Variants in PTDSS1 observed in about 807,000 individuals in gnomAD.
PTDSS1 encodes phosphatidylserine synthase 1, also known as PSS-1.
PTDSS1 carries 45 observed loss-of-function variants against 70.5 expected under a neutral mutation model. The observed-to-expected ratio is 0.64, with a 90% CI of 0.50 to 0.82. The LOEUF is 0.82. Ranked by LOEUF, PTDSS1 falls within the 40% of genes least tolerant of loss-of-function variation. The pLI is 0.00. For missense variants in PTDSS1, 417 were observed against 586.1 expected, an observed-to-expected ratio of 0.71 and a Z score of 2.98; for synonymous variants, 188 against 203.8, an observed-to-expected ratio of 0.92 and a Z score of 0.66.
At chr8:96,264,574 A>T (rs1343596439) in intron 1 of PTDSS1, among the ~76,000 whole-genome samples, 1 of 152,202 alleles carries the variant, frequency 6.6e-6, no homozygotes, top group African/African-American at 2.4e-5. Flanking sequence ...GTTTCTCTGG[A>T]AATTAGAAAA....
intron 4 of PTDSS1, among the ~76,000 whole-genome samples, chr8:96,292,171 G>A (rs1005379969): frequency 3.3e-5 from 5 of 151,028 alleles, no homozygotes; most frequent in African/African-American, 7.3e-5. Context: ...GTGGTGGCAC[G>A]CACCTGTAAT....
intron 5 of PTDSS1, among the ~76,000 whole-genome samples, chr8:96,296,566 CA>C (rs1380048670): frequency 6.6e-6 from 1 of 152,202 alleles, no homozygotes; most frequent in East Asian, 1.9e-4. Context: ...TGACTATCTC[CA>C]AATAAGCTCA....
chr8:96,271,336 T>C (rs1398329631), intron 1 of PTDSS1, among the ~76,000 whole-genome samples: 1 of 152,262 alleles, frequency 6.6e-6, no homozygotes, highest in African/African-American at 2.4e-5. Context: ...CTTAATGATA[T>C]CTTTTAAATT....
chr8:96,288,563 T>A (rs1810856825), intron 4 of PTDSS1, among the ~76,000 whole-genome samples: 1 of 151,254 alleles, frequency 6.6e-6, no homozygotes, highest in Non-Finnish European at 1.5e-5. Flanking sequence ...TGATCTCAAA[T>A]GATCTGCCTG....
chr8:96,302,521 G>A (rs549335265), intron 6 of PTDSS1, among the ~76,000 whole-genome samples: 11 of 152,258 alleles, frequency 7.2e-5, no homozygotes, highest in Admixed American at 7.2e-4. Flanking sequence ...ATTTGCCTAA[G>A]GACACACAGC....
chr8:96,313,905 C>T (rs1811247212), intron 9 of PTDSS1, among the ~76,000 whole-genome samples: 1 of 152,184 alleles, frequency 6.6e-6, no homozygotes, highest in Admixed American at 6.5e-5. Context: ...AATATCTGTC[C>T]TGTATTTCCT....
rs1475469201 is a variant in PTDSS1, at chr8:96,335,518, A to G, written c.*1952A>G. 1.3e-5 allele frequency: 2 copies of G among 152,288 alleles called. No homozygotes were observed. Among genetic ancestry groups the G allele is most frequent in the African/African-American group, 4.8e-5 (2 of 41,454 alleles). 9.4% of individuals were successfully genotyped at this position (152,288 alleles called of 1,614,324 possible). Reference sequence around the variant, plus strand: ...GAGCATGTGTGCTTCCTCTGAGGCCAGCCTACAGGAGGCAGCTGTTTCGCA... The same window carrying G: ...GAGCATGTGTGCTTCCTCTGAGGCCGGCCTACAGGAGGCAGCTGTTTCGCA... On this transcript the variant is annotated 3_prime_UTR_variant, in exon 13 of 13. Coordinates refer to ENST00000517309, the MANE Select transcript of PTDSS1 (RefSeq NM_014754.3).
At chr8:96,308,180 G>A (rs1420103590) in intron 8 of PTDSS1, among the ~76,000 whole-genome samples, 2 of 152,116 alleles carry the variant, frequency 1.3e-5, no homozygotes, top group South Asian at 2.1e-4. Context: ...ACTTTCACAC[G>A]AATCTGCTTT....
chr8:96,332,497 G>T (rs1811530999), intron 12 of PTDSS1, among the ~76,000 whole-genome samples: 1 of 152,110 alleles, frequency 6.6e-6, no homozygotes, highest in Non-Finnish European at 1.5e-5. Context: ...GCCCTTTTGG[G>T]GAAAGTTTCT....
chr8:96,300,362 G>A (rs1426695961), intron 6 of PTDSS1, among the ~76,000 whole-genome samples: 2 of 152,122 alleles, frequency 1.3e-5, no homozygotes, highest in Non-Finnish European at 2.9e-5. Flanking sequence ...GAGTCTGTTT[G>A]TGCACACGCT....
intron 1 of PTDSS1, among the ~76,000 whole-genome samples, chr8:96,263,300 G>C (rs1469917541): frequency 6.6e-6 from 1 of 152,154 alleles, no homozygotes; most frequent in East Asian, 1.9e-4. Flanking sequence ...TTCCTACTTA[G>C]AATGATTTAT....
intron 6 of PTDSS1, among the ~76,000 whole-genome samples, chr8:96,303,625 A>ACTTTCTTTAAC (rs1457388215): frequency 6.6e-6 from 1 of 152,140 alleles, no homozygotes; most frequent in East Asian, 1.9e-4. Context: ...TAGTTCTTTC[A>ACTTTCTTTAAC]TGGGTGTGTG....
intron 6 of PTDSS1, 97 bp downstream of exon 6, chr8:96,299,942 A>C: frequency 7.2e-7 from 1 of 1,394,956 alleles, no homozygotes; most frequent in Non-Finnish European, 9.7e-7. Context: ...TTTGATGATA[A>C]GGAATAAATT....
chr8:96,267,398 C>T (rs959073416), intron 1 of PTDSS1, among the ~76,000 whole-genome samples: 1 of 152,166 alleles, frequency 6.6e-6, no homozygotes, highest in Non-Finnish European at 1.5e-5. Context: ...TCTTTCCGTT[C>T]CCAAGCCTTT....
rs374231745 is a variant in PTDSS1 at position 96,320,348 on chromosome 8, A to T, written c.1173+3A>T. On this transcript the variant is annotated splice_donor_region_variant and intron_variant, in intron 10 of 12. Transcript: ENST00000517309. ...TTGTGCTTTGGCTTCTTTGCGTGGT[A>T]AGTCACTGCATTTTACCCAAAGGCA... 1.3e-6 allele frequency: 2 copies of T among 1,594,270 alleles called. No individual in the cohort carries two copies. Among genetic ancestry groups the T allele is most frequent in the African/African-American group, 2.7e-5 (2 of 74,442 alleles).
chr8:96,265,285 A>G (rs1005465647), intron 1 of PTDSS1, among the ~76,000 whole-genome samples: 1 of 152,218 alleles, frequency 6.6e-6, no homozygotes, highest in Non-Finnish European at 1.5e-5. Context: ...GGGATGTCAT[A>G]TAACCAGTAT....
At chr8:96,289,338 C>T (rs1341588245) in intron 4 of PTDSS1, among the ~76,000 whole-genome samples, 1 of 152,162 alleles carries the variant, frequency 6.6e-6, no homozygotes, top group Non-Finnish European at 1.5e-5. Context: ...TGATCAGCCC[C>T]AACCCAGGAA....
chr8:96,328,268 G>A (rs1396790497), intron 10 of PTDSS1, among the ~76,000 whole-genome samples: 1 of 152,198 alleles, frequency 6.6e-6, no homozygotes, highest in East Asian at 1.9e-4. Flanking sequence ...CCAGTCCGCT[G>A]TGTGAAACCC....
chr8:96,298,764 CT>C (rs1160174727), intron 5 of PTDSS1, among the ~76,000 whole-genome samples: 2 of 152,098 alleles, frequency 1.3e-5, no homozygotes, highest in African/African-American at 4.8e-5. Context: ...TTTTATGGTT[CT>C]GGTTATCTGG....
Sources: allele counts gnomAD v4.1 joint callset (sites outside exome capture counted in the v4.1 genomes callset), GRCh38; gene constraint gnomAD v4.1.1; transcripts MANE v1.5; gene names NCBI Gene and HGNC (gene_info 2026-07-23, HGNC 2026-07-21).